Variants in AAGAB observed in about 807,000 individuals in gnomAD.
AAGAB encodes the protein alpha and gamma adaptin binding protein, also known as alpha- and gamma-adaptin-binding protein p34.
In AAGAB, 38 loss-of-function variants were observed where a neutral mutation model predicts 44.1. The observed-to-expected ratio is 0.86, with a 90% CI of 0.67 to 1.13. AAGAB has a LOEUF of 1.13. Among genes scored for constraint, AAGAB ranks in the 50% most tolerant of loss-of-function variants. The pLI, the probability that AAGAB is intolerant of heterozygous loss-of-function variation, is 0.00. For synonymous variants in AAGAB, 131 were observed against 131.8 expected (o/e 0.99, Z 0.04); for missense variants, 450 against 373.8 (o/e 1.20, Z -1.68).
intron 8 of AAGAB, 148 bp from the exon 9 acceptor site, chr15:67,203,745 A>G (rs1372084643): frequency 1.4e-6 from 1 of 704,462 alleles, no homozygotes; most frequent in East Asian, 2.7e-5. Flanking sequence ...AAGTCTTCCA[A>G]ATTTTCCAGA....
chr15:67,254,849 T>C, upstream of AAGAB: 1 of 1,587,832 alleles, frequency 6.3e-7, no homozygotes, highest in Non-Finnish European at 8.6e-7. Flanking sequence ...AAGGTTTCCG[T>C]GCTTGGAAAC....
chr15:67,247,608 C>T (rs772055346), intron 1 of AAGAB, among the ~76,000 whole-genome samples: 19 of 152,262 alleles, frequency 1.2e-4, no homozygotes, highest in Middle Eastern at 3.4e-3. Context: ...TCCTACTCTC[C>T]GCCACCCCCT....
At chr15:67,204,284 T>C (rs953058266) in intron 7 of AAGAB, 136 bp from the exon 8 acceptor site, 67 of 557,642 alleles carry the variant, frequency 1.2e-4, no homozygotes, top group African/African-American at 1.1e-3. Context: ...TTACAGCTCA[T>C]GGCTCACCCT....
At chr15:67,252,450 A>T (rs892595161) in intron 1 of AAGAB, among the ~76,000 whole-genome samples, 1 of 152,244 alleles carries the variant, frequency 6.6e-6, no homozygotes, top group African/African-American at 2.4e-5. Flanking sequence ...TATTTAAAAA[A>T]TTTTTAAAAA....
chr15:67,203,703 G>T, intron 8 of AAGAB, 106 bp from the exon 9 acceptor site: 2 of 994,094 alleles, frequency 2.0e-6, no homozygotes, highest in Non-Finnish European at 1.5e-6. Flanking sequence ...ACATGTTTAT[G>T]ATGTAGTCAT....
rs370826027 is a variant in AAGAB, at chr15:67,222,242, G to GCACACACACACACACACA, written c.535+9554_535+9571dup. On this transcript the variant is annotated intron_variant, in intron 5 of 9. Coordinates refer to ENST00000261880, the MANE Select transcript of AAGAB (RefSeq NM_024666.5). ...TGCATGCACGCGCACGCGCGCGCGC[G>GCACACACACACACACACA]CACACACACACACACACACACACAC... 6.0e-4 allele frequency among the ~76,000 whole-genome samples: 54 copies of GCACACACACACACACACA among 90,124 alleles called. No homozygotes were observed. The East Asian group carries it at 6.8e-3, about 11-fold the overall frequency. 59.1% of individuals were successfully genotyped at this position (90,124 alleles called of 152,430 possible).
chr15:67,233,685 C>G (rs1244725783), intron 4 of AAGAB, among the ~76,000 whole-genome samples: 2 of 152,184 alleles, frequency 1.3e-5, no homozygotes, highest in Non-Finnish European at 2.9e-5. Context: ...ATCACTTACA[C>G]CATTCTCACA....
chr15:67,214,587 A>T (rs989597679), intron 5 of AAGAB, among the ~76,000 whole-genome samples: 1 of 152,128 alleles, frequency 6.6e-6, no homozygotes, highest in Non-Finnish European at 1.5e-5. Flanking sequence ...AACCACTGAC[A>T]TAGGTCTAAT....
intron 4 of AAGAB, among the ~76,000 whole-genome samples, chr15:67,234,103 A>G (rs1355474367): frequency 6.6e-6 from 1 of 150,656 alleles, no homozygotes; most frequent in Non-Finnish European, 1.5e-5. Context: ...AAAAAAAAAA[A>G]TTACCCAGGC....
intron 5 of AAGAB, among the ~76,000 whole-genome samples, chr15:67,209,931 G>T (rs1243557392): frequency 6.6e-6 from 1 of 152,066 alleles, no homozygotes; most frequent in African/African-American, 2.4e-5. Context: ...CCCCGAAACT[G>T]CCAGGATTAC....
upstream of AAGAB, chr15:67,254,880 C>T (rs776575211): frequency 5.0e-6 from 8 of 1,612,780 alleles, no homozygotes; most frequent in East Asian, 2.2e-5. Flanking sequence ...CGGAGGTAGC[C>T]GTTCCCTGAC....
At position 67,201,006 on chromosome 15, in the gene AAGAB, A is replaced by G. The variant is rs1595974186; in HGVS notation, c.*1815T>C. ...CCCCCTAATAAAAAACCACAAAATC[A>G]TAATAATAGACATTAGCACAGTTTA... On this transcript the variant is annotated 3_prime_UTR_variant, in exon 10 of 10. Transcript: ENST00000261880. The G allele has an allele frequency of 6.6e-6, 1 of 152,482 alleles. No individual in the cohort carries two copies. The highest frequency in any genetic ancestry group is 2.1e-4 in the South Asian group (1 of 4,826). 9.4% of individuals were successfully genotyped at this position (152,482 alleles called of 1,614,324 possible). A position where few individuals can be genotyped will look rare whatever the true frequency, so the allele number is the denominator to read the frequency against.
intron 4 of AAGAB, among the ~76,000 whole-genome samples, chr15:67,233,252 A>T (rs907255429): frequency 6.6e-6 from 1 of 152,246 alleles, no homozygotes; most frequent in Non-Finnish European, 1.5e-5. Context: ...AAGTGAAATG[A>T]CTAGAAGTGT....
At chr15:67,240,405 A>G (rs1017060775) in intron 1 of AAGAB, among the ~76,000 whole-genome samples, 1 of 152,198 alleles carries the variant, frequency 6.6e-6, no homozygotes, top group African/African-American at 2.4e-5. Context: ...CTCCTGGTCG[A>G]TGCCAGCCTG....
At chr15:67,232,677 G>A in intron 4 of AAGAB, 1 of 288,998 alleles carries the variant, frequency 3.5e-6, no homozygotes, top group Non-Finnish European at 7.1e-6. Flanking sequence ...CGATTCCTTG[G>A]ATTATGCAAA....
At chr15:67,228,386 T>C (rs1964253841) in intron 5 of AAGAB, among the ~76,000 whole-genome samples, 1 of 152,238 alleles carries the variant, frequency 6.6e-6, no homozygotes, top group South Asian at 2.1e-4. Flanking sequence ...GGACCAAGCC[T>C]TAATTTGAAT....
chr15:67,224,249 G>T (rs1567021746), intron 5 of AAGAB, among the ~76,000 whole-genome samples: 2 of 152,142 alleles, frequency 1.3e-5, no homozygotes, highest in African/African-American at 2.4e-5. Context: ...TTGTATGAAT[G>T]AATCAACACT....
intron 5 of AAGAB, among the ~76,000 whole-genome samples, chr15:67,212,146 G>T (rs1405947591): frequency 1.3e-5 from 2 of 152,198 alleles, no homozygotes; most frequent in Non-Finnish European, 2.9e-5. Flanking sequence ...CTTCCAAAGT[G>T]CTGGGATTAT....
At position 67,200,743 on chromosome 15, in the gene AAGAB, C is replaced by T. The variant is rs1260852708; in HGVS notation, c.*2078G>A. ...ATAGGTCACTTTAGATAGACTGCAG[C>T]TATTACTGTAGTGTTAGCTCATGAT... On this transcript the variant is annotated 3_prime_UTR_variant, in exon 10 of 10. Coordinates refer to ENST00000261880, the MANE Select transcript of AAGAB (RefSeq NM_024666.5). Among the ~76,000 whole-genome samples, 1 of 152,236 alleles carries T rather than the reference C, an allele frequency of 6.6e-6. No individual in the cohort carries two copies. The highest frequency in any genetic ancestry group is 1.5e-5 in the Non-Finnish European group (1 of 68,040).
Sources: gnomAD v4.1 joint callset for allele counts (sites outside exome capture counted in the v4.1 genomes callset) on GRCh38, gnomAD v4.1.1 for gene constraint, MANE v1.5 for transcripts, NCBI Gene and HGNC (gene_info 2026-07-23, HGNC 2026-07-21) for gene names.